The following CLN3 variants were observed in gnomAD, a reference collection of about 807,000 sequenced individuals.
CLN3 encodes CLN3 lysosomal/endosomal transmembrane protein, battenin.
A neutral mutation model predicts 60.7 loss-of-function variants in CLN3; 49 were observed. The observed-to-expected ratio is 0.81, with a 90% CI of 0.64 to 1.02. The LOEUF is 1.02. Ranked by LOEUF, CLN3 falls within the 50% of genes least tolerant of loss-of-function variation. The pLI is 0.00. For missense variants in CLN3, 516 were observed against 557.4 expected (o/e 0.93, Z 0.75); for synonymous variants, 256 against 245.8 (o/e 1.04, Z -0.39).
rs1468984708 is a variant in CLN3, at chr16:28,486,349, G to C, written c.675C>G (p.Ala225=). ...SMLGIPALLL[A]SYFLLLTSPE... Reference sequence around the variant, plus strand: ...CCTCCCGGCTCAGGGCAGCTCACCTGGCCAGCAGCAGGGCAGGGATACCCA... The same window carrying C: ...CCTCCCGGCTCAGGGCAGCTCACCTCGCCAGCAGCAGGGCAGGGATACCCA... The change falls in exon 9 of 16, where the codon GCC becomes GCG. Residue 225 remains alanine, a splice_region_variant and synonymous_variant. Transcript: ENST00000636147. The C allele has an allele frequency of 6.2e-7, 1 of 1,612,096 alleles. No homozygotes were observed. Among genetic ancestry groups the C allele is most frequent in the African/African-American group, 1.3e-5 (1 of 74,980 alleles).
intron 14 of CLN3, among the ~76,000 whole-genome samples, chr16:28,480,819 T>C (rs2046076976): frequency 6.6e-6 from 1 of 152,224 alleles, no homozygotes; most frequent in Non-Finnish European, 1.5e-5. Context: ...ATGCTGGTTA[T>C]ATGAAACTCC....
chr16:28,481,438 A>ACACACACACACACACG (rs1277221304), intron 14 of CLN3, among the ~76,000 whole-genome samples: 2 of 133,070 alleles, frequency 1.5e-5, no homozygotes, highest in South Asian at 4.7e-4. Context: ...ACACACACAC[A>ACACACACACACACACG]CACACACACA....
intron 14 of CLN3, among the ~76,000 whole-genome samples, chr16:28,478,683 A>G (rs1445360193): frequency 1.3e-5 from 2 of 150,922 alleles, no homozygotes; most frequent in African/African-American, 4.9e-5. Context: ...CATCGAAACC[A>G]GGATTTCTCA....
chr16:28,488,783 C>T (rs2046265336), intron 4 of CLN3, 121 bp from the exon 5 acceptor site: 1 of 888,370 alleles, frequency 1.1e-6, no homozygotes, highest in African/African-American at 1.6e-5. Context: ...TGACTGACTT[C>T]TCAGGACCTC....
At chr16:28,487,349 G>A (rs746988324) in intron 7 of CLN3, 107 bp downstream of exon 7, 70 of 925,684 alleles carry the variant, frequency 7.6e-5, no homozygotes, top group Non-Finnish European at 1.1e-4. Context: ...GCTTCTAAGG[G>A]TGACAGAATG....
chr16:28,489,205 G>A (rs890894659), intron 4 of CLN3, 85 bp downstream of exon 4: 4 of 1,046,604 alleles, frequency 3.8e-6, no homozygotes, highest in Non-Finnish European at 5.8e-6. Flanking sequence ...CCCAGCCAGA[G>A]ACTGGAAACT....
intron 14 of CLN3, among the ~76,000 whole-genome samples, chr16:28,481,120 CT>C (rs561234965): frequency 1.0e-3 from 155 of 151,764 alleles, no homozygotes; most frequent in African/African-American, 3.5e-3. Flanking sequence ...TTTCTTTTTT[CT>C]TTTTCTGGGA....
chr16:28,472,529 A>C (rs115553090), downstream of CLN3, among the ~76,000 whole-genome samples: 2 of 152,018 alleles, frequency 1.3e-5, no homozygotes, highest in African/African-American at 4.8e-5. Context: ...AAGAGCTAAA[A>C]CTATAAAACT....
rs997290606 is a variant in CLN3 at position 28,487,339 on chromosome 16, G to A, written c.460+117C>T. 4.7e-6 allele frequency: 4 copies of A among 852,168 alleles called. No homozygotes were observed. In the African/African-American group the frequency reaches 6.7e-5, roughly 14 times the overall value. The allele number at this position is 852,168 out of a possible 1,614,324, so 52.8% of individuals were successfully genotyped here. ...CGCCTACTGCTGATAGCCCTAGCAG[G>A]CTTCTAAGGGTGACAGAATGAATCC... On this transcript the variant is annotated intron_variant, in intron 7 of 15. Coordinates refer to ENST00000636147, the MANE Select transcript of CLN3 (RefSeq NM_001042432.2).
rs971471454 is a variant in CLN3, at chr16:28,482,378, T to C, written c.911A>G (p.Glu304Gly). 2 of 1,613,910 alleles carry C rather than the reference T, an allele frequency of 1.2e-6. No individual in the cohort carries two copies. The highest frequency in any genetic ancestry group is 1.7e-6 in the Non-Finnish European group (2 of 1,179,998). ...GGAAGTGTTCCAGAAAAAGAGGAGT[T>C]CAAACTGCAACAAATACCAGACAGG... ...AEYFINQGLFELLFFWNTSLS... is the reference protein window; with the variant it reads ...AEYFINQGLFGLLFFWNTSLS... Residue 304 changes from glutamate to glycine, a missense_variant, in exon 13 of 16, where the codon GAA becomes GGA. Transcript: ENST00000636147.
In CLN3 at chr16:28,489,262, A is replaced by G. The variant is rs538284660; in HGVS notation, c.222+28T>C. On this transcript the variant is annotated intron_variant, in intron 4 of 15. Transcript: ENST00000636147. ...CCTCATCTTCCCACAGGGACTAACC[A>G]TGGTGGTGGTGGTAGAGAGTCACTT... 9.7e-6 allele frequency: 15 copies of G among 1,549,996 alleles called. No homozygotes were observed. The Admixed American group carries it at 2.6e-4, about 27-fold the overall frequency.
intron 9 of CLN3, 97 bp from the exon 10 acceptor site, chr16:28,484,215 T>C (rs950520928): frequency 2.4e-6 from 2 of 830,150 alleles, no homozygotes; most frequent in East Asian, 2.6e-5. Flanking sequence ...ACCTCTACCT[T>C]TGAACACTTT....
At chr16:28,489,868 G>A (rs1347926195) in intron 3 of CLN3, among the ~76,000 whole-genome samples, 1 of 151,514 alleles carries the variant, frequency 6.6e-6, no homozygotes, top group Non-Finnish European at 1.5e-5. Context: ...ACCAGCCTGA[G>A]CAATATGGAG....
intron 3 of CLN3, among the ~76,000 whole-genome samples, chr16:28,490,057 C>CAAAAA (rs34443652): frequency 3.7e-5 from 4 of 106,814 alleles, no homozygotes; most frequent in Non-Finnish European, 7.4e-5. Context: ...GACTCTATCT[C>CAAAAA]AAAAAAAAAA....
Position 28,490,616 on chromosome 16 carries a change from C to T in CLN3, c.125+866G>A, listed in dbSNP as rs982823293. Among the ~76,000 whole-genome samples the T allele has an allele frequency of 8.6e-5, 13 of 151,018 alleles. No homozygotes were observed. In the East Asian group the frequency reaches 1.4e-3, roughly 16 times the overall value. On this transcript the variant is annotated intron_variant, in intron 3 of 15. Transcript: ENST00000636147. ...TCTACTAAAAATACAAAAAAATAGC[C>T]GGGCGTGGTGGCAGGCGCCTGTAGT...
chr16:28,486,029 A>G (rs1345612247), intron 9 of CLN3, among the ~76,000 whole-genome samples: 8 of 150,510 alleles, frequency 5.3e-5, no homozygotes, highest in Admixed American at 6.6e-5. Context: ...ACAGAGTCTA[A>G]CTCTGTCGCC....
At position 28,484,040 on chromosome 16, in the gene CLN3, G is replaced by A. The variant is rs2046158184; in HGVS notation, c.756C>T (p.Pro252=). 6.2e-7 allele frequency: 1 copy of A among 1,611,932 alleles called. No homozygotes were observed. Among genetic ancestry groups the A allele is most frequent in the African/African-American group, 1.3e-5 (1 of 74,992 alleles). ...EEEAESAARQ[P]LIRTEAPESK... ...ACTCCGGGGCCTCGGTTCTTATGAGGGGCTGCCGGGCTGCGCTCTCTGCTT... is the reference window on the plus strand; with the variant it reads ...ACTCCGGGGCCTCGGTTCTTATGAGAGGCTGCCGGGCTGCGCTCTCTGCTT... The change falls in exon 10 of 16, where the codon CCC becomes CCT. Residue 252 remains proline, a synonymous_variant. Coordinates refer to ENST00000636147, the MANE Select transcript of CLN3 (RefSeq NM_001042432.2).
intron 9 of CLN3, among the ~76,000 whole-genome samples, chr16:28,485,571 CAAAAAA>C (rs67148714): frequency 8.5e-5 from 1 of 11,768 alleles, no homozygotes; most frequent in Non-Finnish European, 1.3e-4. Flanking sequence ...GACTCCGTCT[CAAAAAA>C]AAAAAAAAAA....
chr16:28,474,931 C>T (rs544829266), downstream of CLN3, among the ~76,000 whole-genome samples: 12 of 152,140 alleles, frequency 7.9e-5, no homozygotes, highest in South Asian at 8.3e-4. Flanking sequence ...AGCAAGACCT[C>T]GTCTCTACAG....
Sources: gnomAD v4.1 joint callset for allele counts (sites outside exome capture counted in the v4.1 genomes callset) on GRCh38, gnomAD v4.1.1 for gene constraint, MANE v1.5 for transcripts, NCBI Gene and HGNC (gene_info 2026-07-23, HGNC 2026-07-21) for gene names.